The following SORL1 variants were observed in gnomAD, a reference collection of about 807,000 sequenced individuals.
The protein encoded by SORL1 is sortilin related receptor 1.
In SORL1, 127 loss-of-function variants were observed where a neutral mutation model predicts 273.7. The ratio of observed to expected loss-of-function variants is 0.46; its 90% CI spans 0.40 to 0.54. SORL1 has a LOEUF of 0.54. SORL1 is among the 20% of genes least tolerant of loss of function. The pLI, the probability that SORL1 is intolerant of heterozygous loss-of-function variation, is 0.00. For missense variants in SORL1, 2,494 were observed against 2,846.1 expected, an observed-to-expected ratio of 0.88 and a Z score of 2.81; for synonymous variants, 1,031 against 1,067.4, an observed-to-expected ratio of 0.97 and a Z score of 0.66.
At position 121,633,738 on chromosome 11, in the gene SORL1, A is replaced by T. The variant is rs575264609; in HGVS notation, c.*4175A>T. ...AGCTGTTCTTTAGAGCGCAATAAAG[A>T]TGGCTGACGCAGTCTCCAAACCCCA... On this transcript the variant is annotated 3_prime_UTR_variant, in exon 48 of 48. Transcript: ENST00000260197. The T allele has an allele frequency of 2.0e-4, 30 of 152,352 alleles. No homozygotes were observed. Among genetic ancestry groups the T allele is most frequent in the Non-Finnish European group, 4.0e-4 (27 of 68,042 alleles). The allele number at this position is 152,352 out of a possible 1,614,324, so 9.4% of individuals were successfully genotyped here.
intron 11 of SORL1, among the ~76,000 whole-genome samples, chr11:121,524,031 G>C (rs3758900): frequency 0.024 from 3,706 of 152,332 alleles, 311 homozygotes; most frequent in East Asian, 0.21. Flanking sequence ...CCCGAGGAGA[G>C]AGATGAGGCT....
chr11:121,588,036 C>T lies in SORL1; in HGVS notation c.3831C>T (p.His1277=), dbSNP rs369979753. 1.2e-6 allele frequency: 2 copies of T among 1,613,444 alleles called. No individual in the cohort carries two copies. ...DEQHCEPLCT[H]FMDFVCKNRQ... is the part of the protein sequence containing the mutation. ...CCCTTACAGAGCCCCTCTGTACGCACTTCATGGACTTTGTGTGTAAGAACC... is the reference window on the plus strand; with the variant it reads ...CCCTTACAGAGCCCCTCTGTACGCATTTCATGGACTTTGTGTGTAAGAACC... Residue 1277 remains histidine, a synonymous_variant, in exon 28 of 48, where the codon CAC becomes CAT. Transcript: ENST00000260197.
chr11:121,585,498 TATAC>T lies in SORL1; in HGVS notation c.3707-722_3707-719del, dbSNP rs111388639. ...ACTCTGCCTTAAAAAAAAAAATGTA[TATAC>T]ACACACACACACACACACACACACA... is the stretch of plus-strand genomic sequence containing the variant. On this transcript the variant is annotated intron_variant, in intron 26 of 47. Coordinates refer to ENST00000260197, the MANE Select transcript of SORL1 (RefSeq NM_003105.6). Among the ~76,000 whole-genome samples, 584 of 106,716 alleles carry T rather than the reference TATAC, an allele frequency of 5.5e-3. 2 individuals carry two copies. The highest frequency in any genetic ancestry group is 0.021 in the African/African-American group (550 of 26,236). 70.0% of individuals were successfully genotyped at this position (106,716 alleles called of 152,430 possible).
At position 121,520,693 on chromosome 11, in the gene SORL1, A is replaced by C. The variant is rs1862026950; in HGVS notation, c.1248A>C (p.Arg416=). 1 of 1,592,340 alleles carries C rather than the reference A, an allele frequency of 6.3e-7. No individual in the cohort carries two copies. Among genetic ancestry groups the C allele is most frequent in the Admixed American group, 1.8e-5 (1 of 55,480 alleles). ...FANEPFADFH[R]VEGLQGVYIA... ...ATGAACCATTTGCTGACTTCCACCG[A>C]GTGGAAGGATTGCAAGGAGTCTACA... The change falls in exon 9 of 48, where the codon CGA becomes CGC. Residue 416 remains arginine, a synonymous_variant. Transcript: ENST00000260197.
intron 12 of SORL1, among the ~76,000 whole-genome samples, chr11:121,541,176 TA>T (rs2134883293): frequency 1.3e-5 from 2 of 152,092 alleles, no homozygotes; most frequent in South Asian, 4.2e-4. Context: ...CCAGTTGGTT[TA>T]ACCCCTAGCC....
chr11:121,623,597 C>T lies in SORL1; in HGVS notation c.6171+1329C>T, dbSNP rs1023845727. On this transcript the variant is annotated intron_variant, in intron 45 of 47. Coordinates refer to ENST00000260197, the MANE Select transcript of SORL1 (RefSeq NM_003105.6). ...AACCTTTGTGTATTTTACAAATGAT[C>T]GACACCAGATATCTATTAGGTGGAA... 4.6e-5 allele frequency among the ~76,000 whole-genome samples: 7 copies of T among 152,218 alleles called. No homozygotes were observed. In the East Asian group the frequency reaches 5.8e-4, roughly 13 times the overall value.
At chr11:121,564,251 C>A (rs1368442135) in intron 21 of SORL1, among the ~76,000 whole-genome samples, 1 of 152,184 alleles carries the variant, frequency 6.6e-6, no homozygotes, top group Non-Finnish European at 1.5e-5. Context: ...CTCTCTGATG[C>A]AGCTCTCCCA....
chr11:121,535,673 T>TC (rs1297337189), intron 12 of SORL1, among the ~76,000 whole-genome samples: 8 of 151,938 alleles, frequency 5.3e-5, no homozygotes, highest in Non-Finnish European at 8.8e-5. Context: ...CATTAGGGTT[T>TC]TTTTTTTTTT....
chr11:121,504,361 G>A (rs1218439579), intron 6 of SORL1, among the ~76,000 whole-genome samples: 1 of 152,086 alleles, frequency 6.6e-6, no homozygotes, highest in East Asian at 1.9e-4. Context: ...GCAGTGAGCT[G>A]AGATCGTGCC....
intron 1 of SORL1, among the ~76,000 whole-genome samples, chr11:121,458,851 A>G (rs949187227): frequency 4.6e-5 from 7 of 152,162 alleles, no homozygotes; most frequent in Non-Finnish European, 8.8e-5. Context: ...AGTTTTTTTT[A>G]ACTGTAACAT....
intron 14 of SORL1, 30 bp downstream of exon 14, chr11:121,545,459 A>G (rs1329238405): frequency 1.2e-6 from 2 of 1,608,268 alleles, no homozygotes; most frequent in Non-Finnish European, 1.7e-6. Context: ...CTGGGGACTG[A>G]GTTGTGTTTT....
At chr11:121,532,222 G>A (rs148681269) in intron 11 of SORL1, among the ~76,000 whole-genome samples, 58 of 152,280 alleles carry the variant, frequency 3.8e-4, no homozygotes, top group Middle Eastern at 3.4e-3. Flanking sequence ...TATTAAGCCC[G>A]TGTTTCTTCA....
intron 23 of SORL1, among the ~76,000 whole-genome samples, chr11:121,572,939 C>T (rs530515918): frequency 4.6e-5 from 7 of 152,286 alleles, no homozygotes; most frequent in South Asian, 2.1e-4. Context: ...TTTGGCATTT[C>T]GTGCACGACA....
Position 121,574,164 on chromosome 11 carries a change from GT to G in SORL1, c.3338-73del. The G allele has an allele frequency of 3.5e-6, 5 of 1,427,886 alleles. No homozygotes were observed. In the South Asian group the frequency reaches 4.8e-5, roughly 14 times the overall value. The allele number at this position is 1,427,886 out of a possible 1,614,324, so 88.5% of individuals were successfully genotyped here. A position where few individuals can be genotyped will look rare whatever the true frequency, so the allele number is the denominator to read the frequency against. ...CCTGCTTTCTTCTATTTTTTAATTG[GT>G]TTTCCAGTAGGATGTTTACATTTGT... On this transcript the variant is annotated intron_variant, in intron 23 of 47. Coordinates refer to ENST00000260197, the MANE Select transcript of SORL1 (RefSeq NM_003105.6).
At chr11:121,586,709 G>A (rs867907263) in intron 27 of SORL1, among the ~76,000 whole-genome samples, 11 of 130,088 alleles carry the variant, frequency 8.5e-5, no homozygotes, top group African/African-American at 1.4e-4. Context: ...GGGGGGCGGG[G>A]GGGGGGCATT....
intron 14 of SORL1, among the ~76,000 whole-genome samples, chr11:121,549,332 C>T (rs1464429277): frequency 6.6e-6 from 1 of 152,150 alleles, no homozygotes; most frequent in Non-Finnish European, 1.5e-5. Flanking sequence ...AAATGATTCT[C>T]CCACCTCAGC....
intron 25 of SORL1, among the ~76,000 whole-genome samples, chr11:121,580,693 C>G (rs1863001114): frequency 6.6e-6 from 1 of 151,164 alleles, no homozygotes. Flanking sequence ...TAGCCTTGAC[C>G]TCCTGGGCTC....
At chr11:121,542,759 C>A (rs1203014807) in intron 12 of SORL1, among the ~76,000 whole-genome samples, 1 of 151,454 alleles carries the variant, frequency 6.6e-6, no homozygotes, top group African/African-American at 2.4e-5. Context: ...GTTTTAGCAT[C>A]CAGTGATGAT....
At chr11:121,615,122 A>G (rs1049296846) in intron 41 of SORL1, 67 bp downstream of exon 41, 15 of 1,310,774 alleles carry the variant, frequency 1.1e-5, no homozygotes, top group African/African-American at 1.5e-5. Flanking sequence ...GCCACCACAC[A>G]ACTCCAGGGC....
Sources: allele counts gnomAD v4.1 joint callset (sites outside exome capture counted in the v4.1 genomes callset), GRCh38; gene constraint gnomAD v4.1.1; transcripts MANE v1.5; gene names NCBI Gene and HGNC (gene_info 2026-07-23, HGNC 2026-07-21).